PTGS1: variants seen among roughly 807,000 people sequenced by gnomAD.
PTGS1 encodes prostaglandin-endoperoxide synthase 1, also known as prostaglandin G/H synthase 1.
Under a neutral mutation model 63.0 loss-of-function variants are expected in PTGS1, and 40 were observed. The observed-to-expected ratio is 0.63, with a 90% CI of 0.49 to 0.83. PTGS1 has a LOEUF of 0.83. Ranked by LOEUF, PTGS1 falls within the 40% of genes least tolerant of loss-of-function variation. The pLI is 0.00. For missense variants in PTGS1, 709 were observed against 786.5 expected (o/e 0.90, Z 1.18); for synonymous variants, 298 against 301.9 (o/e 0.99, Z 0.13).
intron 2 of PTGS1, among the ~76,000 whole-genome samples, chr9:122,377,232 G>A (rs1265694619): frequency 6.6e-6 from 1 of 151,974 alleles, no homozygotes; most frequent in African/African-American, 2.4e-5. Flanking sequence ...GAGGCTGTGG[G>A]GGTGGAGTGG....
At position 122,381,360 on chromosome 9, in the gene PTGS1, C is replaced by G. The variant is rs752058529; in HGVS notation, c.497-11C>G. ...AGGAGAAGCTACTGCTGTTTCCTAC[C>G]CCCCAACCAGGGAAGAAGCAGTTGC... On this transcript the variant is annotated splice_polypyrimidine_tract_variant and intron_variant, in intron 5 of 10. Coordinates refer to ENST00000362012, the MANE Select transcript of PTGS1 (RefSeq NM_000962.4). The G allele has an allele frequency of 1.9e-6, 3 of 1,613,122 alleles. No individual in the cohort carries two copies.
intron 9 of PTGS1, among the ~76,000 whole-genome samples, chr9:122,387,545 A>G (rs1312458070): frequency 1.3e-5 from 2 of 152,188 alleles, no homozygotes; most frequent in South Asian, 2.1e-4. Context: ...AGTGTGACTT[A>G]TAAGAAGAAG....
At chr9:122,376,323 C>T (rs1398357461) in intron 2 of PTGS1, among the ~76,000 whole-genome samples, 3 of 148,118 alleles carry the variant, frequency 2.0e-5, no homozygotes, top group Non-Finnish European at 4.4e-5. Context: ...AAACTATTTG[C>T]ATGATTCTTG....
rs920319138 is a variant in PTGS1 at position 122,392,709 on chromosome 9, A to G, written c.*165A>G. On this transcript the variant is annotated 3_prime_UTR_variant, in exon 11 of 11. Transcript: ENST00000362012. ...CTCACCCATTATCTGGAATATTGTG[A>G]TTCTGTTTATTCTTCCAGAATGCTG... The G allele has an allele frequency of 3.3e-6, 2 of 601,986 alleles. No homozygotes were observed. The highest frequency in any genetic ancestry group is 6.0e-5 in the Admixed American group (2 of 33,220). The allele number at this position is 601,986 out of a possible 1,614,324, so 37.3% of individuals were successfully genotyped here. A position where few individuals can be genotyped will look rare whatever the true frequency, so the allele number is the denominator to read the frequency against.
intron 2 of PTGS1, among the ~76,000 whole-genome samples, chr9:122,377,103 G>A (rs993857103): frequency 1.3e-5 from 2 of 152,208 alleles, no homozygotes; most frequent in Non-Finnish European, 2.9e-5. Flanking sequence ...TGTGGGCCAA[G>A]TCTGATTCCA....
rs191268761 is a variant in PTGS1, at chr9:122,389,133, G to T, written c.1297-1065G>T. 8.3e-5 allele frequency among the ~76,000 whole-genome samples: 12 copies of T among 144,594 alleles called. No homozygotes were observed. The East Asian group carries it at 2.3e-3, about 27-fold the overall frequency. The allele number at this position is 144,594 out of a possible 152,430, so 94.9% of individuals were successfully genotyped here. A position where few individuals can be genotyped will look rare whatever the true frequency, so the allele number is the denominator to read the frequency against. On this transcript the variant is annotated intron_variant, in intron 9 of 10. Coordinates refer to ENST00000362012, the MANE Select transcript of PTGS1 (RefSeq NM_000962.4). ...TTATTATTTCATCCTAAGCACCAGA[G>T]CTTTCTTTTCTTTCCTTTTTTTTTT... is the stretch of plus-strand genomic sequence containing the variant.
intron 9 of PTGS1, among the ~76,000 whole-genome samples, chr9:122,389,351 A>C (rs926883740): frequency 6.6e-6 from 1 of 151,844 alleles, no homozygotes; most frequent in Admixed American, 6.6e-5. Context: ...AGTCTTTGCC[A>C]TGTTGGCCAG....
chr9:122,375,380 C>T (rs1171517061), intron 2 of PTGS1: 7 of 985,380 alleles, frequency 7.1e-6, no homozygotes, highest in African/African-American at 1.7e-5. Flanking sequence ...GGAGGCCTTC[C>T]GGCTCCACCT....
intron 2 of PTGS1, chr9:122,375,552 T>C: frequency 2.2e-6 from 2 of 907,402 alleles, no homozygotes; most frequent in Non-Finnish European, 2.6e-6. Context: ...GTGCATAGCC[T>C]GTGCTGGGGG....
chr9:122,374,122 T>C (rs941793025), intron 2 of PTGS1, among the ~76,000 whole-genome samples: 1 of 152,004 alleles, frequency 6.6e-6, no homozygotes, highest in Non-Finnish European at 1.5e-5. Context: ...TCCTCATCTG[T>C]GGGGATGGGG....
At chr9:122,371,407 C>T in intron 2 of PTGS1, 135 bp downstream of exon 2, 2 of 1,428,118 alleles carry the variant, frequency 1.4e-6, no homozygotes, top group Non-Finnish European at 1.9e-6. Flanking sequence ...GAGGCTGAGT[C>T]TTTTGGTGGG....
intron 9 of PTGS1, among the ~76,000 whole-genome samples, chr9:122,387,691 A>G (rs10306163): frequency 0.33 from 50,351 of 152,110 alleles, 11,642 homozygotes; most frequent in African/African-American, 0.65. Context: ...GTCTCCAGAC[A>G]GAGGAAATAA....
intron 9 of PTGS1, among the ~76,000 whole-genome samples, chr9:122,388,208 CTTTTTTCT>C (rs1159487864): frequency 2.6e-5 from 4 of 152,102 alleles, no homozygotes; most frequent in African/African-American, 9.7e-5. Flanking sequence ...GATTTTTTTT[CTTTTTTCT>C]TTTTTTTTAA....
chr9:122,371,079 C>T lies in PTGS1; in HGVS notation c.-6C>T, dbSNP rs1416734507. On this transcript the variant is annotated 5_prime_UTR_variant, in exon 1 of 11. Transcript: ENST00000362012. ...ACTCTGCGTCCCGCACCCCAGCAGC[C>T]GCGCCATGAGCCGTGAGTGCGACCC... The T allele has an allele frequency of 6.3e-7, 1 of 1,598,460 alleles. No homozygotes were observed. Among genetic ancestry groups the T allele is most frequent in the Admixed American group, 1.7e-5 (1 of 59,430 alleles).
At position 122,381,761 on chromosome 9, in the gene PTGS1, A is replaced by AG. The variant is rs766100549; in HGVS notation, c.762+19dup. 9.8e-5 allele frequency: 116 copies of AG among 1,184,424 alleles called. No individual in the cohort carries two copies. Among genetic ancestry groups the AG allele is most frequent in the African/African-American group, 1.6e-4 (2 of 12,436 alleles). 73.4% of individuals were successfully genotyped at this position (1,184,424 alleles called of 1,614,324 possible). On this transcript the variant is annotated intron_variant, in intron 7 of 10. Transcript: ENST00000362012. ...CTCAAGTACCAGGTAGTGCTGGGCC[A>AG]GGGGGTAGGGCAGAGGGAGGGGTCT...
Position 122,392,423 on chromosome 9 carries a change from C to G in PTGS1, c.1679C>G (p.Thr560Arg). 6.2e-7 allele frequency: 1 copy of G among 1,614,160 alleles called. No homozygotes were observed. Reference protein sequence around the residue: ...GGEVGFNIVKTATLKKLVCLN... With the variant: ...GGEVGFNIVKRATLKKLVCLN... Reference sequence around the variant, plus strand: ...GAGGTGGGCTTTAACATTGTCAAGACGGCCACACTGAAGAAGCTGGTCTGC... The same window carrying G: ...GAGGTGGGCTTTAACATTGTCAAGAGGGCCACACTGAAGAAGCTGGTCTGC... The change falls in exon 11 of 11, where the codon ACG becomes AGG. Residue 560 changes from threonine to arginine, a missense_variant. By Grantham distance (71) the Thr-to-Arg change is moderately conservative. Transcript: ENST00000362012.
rs151250603 is a variant in PTGS1, at chr9:122,387,857, C to T, written c.1296+1125C>T. ...CCATCTGCTTCATCGCAGTCTCTGG[C>T]TCCCCTGTTGCCTCACAGTCCTCTG... is the stretch of plus-strand genomic sequence containing the variant. On this transcript the variant is annotated intron_variant, in intron 9 of 10. Coordinates refer to ENST00000362012, the MANE Select transcript of PTGS1 (RefSeq NM_000962.4). Among the ~76,000 whole-genome samples, 62 of 152,368 alleles carry T rather than the reference C, an allele frequency of 4.1e-4. No individual in the cohort carries two copies. In the East Asian group the frequency reaches 0.011, roughly 27 times the overall value.
intron 2 of PTGS1, among the ~76,000 whole-genome samples, chr9:122,375,802 G>A (rs1261394022): frequency 1.3e-5 from 2 of 152,106 alleles, no homozygotes; most frequent in African/African-American, 4.8e-5. Flanking sequence ...CTAAGGGAGG[G>A]GCTGGCGCAG....
chr9:122,370,959 C>A, upstream of PTGS1: 1 of 1,389,352 alleles, frequency 7.2e-7, no homozygotes, highest in Non-Finnish European at 9.5e-7. Context: ...GAGGTGACAG[C>A]TGGAGGGAGG....
Sources: gnomAD v4.1 joint callset for allele counts (sites outside exome capture counted in the v4.1 genomes callset) on GRCh38, gnomAD v4.1.1 for gene constraint, MANE v1.5 for transcripts, NCBI Gene and HGNC (gene_info 2026-07-23, HGNC 2026-07-21) for gene names.